Variants in GLI2 observed in about 807,000 individuals in gnomAD.
The protein encoded by GLI2 is transcription activator GLI2.
GLI2 carries 22 observed loss-of-function variants against 78.9 expected under a neutral mutation model. That is an observed-to-expected ratio of 0.28 (90% CI 0.20 to 0.40). GLI2 has a LOEUF of 0.40. Among genes scored for constraint, GLI2 ranks in the 10% least tolerant of loss-of-function variants. GLI2 has a pLI of 1.00. For missense variants in GLI2, 2,097 were observed against 2,213.2 expected (o/e 0.95, Z 1.05); for synonymous variants, 974 against 963.7 (o/e 1.01, Z -0.20).
Position 120,819,239 on chromosome 2 carries a change from A to ATTTTT in GLI2, c.148+21787_148+21791dup, listed in dbSNP as rs10701244. Among the ~76,000 whole-genome samples the ATTTTT allele has an allele frequency of 2.7e-4, 31 of 116,696 alleles. 3 individuals are homozygous for ATTTTT. Among genetic ancestry groups the ATTTTT allele is most frequent in the African/African-American group, 6.4e-4 (19 of 29,832 alleles). 76.6% of individuals were successfully genotyped at this position (116,696 alleles called of 152,430 possible). A position where few individuals can be genotyped will look rare whatever the true frequency, so the allele number is the denominator to read the frequency against. The stretch of plus-strand genomic sequence containing the variant: ...GAGTGACAGAGTGCCACTAATAGAG[A>ATTTTT]TTTTTTTTTTTTTTTTTTTTGAGAT... On this transcript the variant is annotated intron_variant, in intron 2 of 13. Transcript: ENST00000361492.
intron 5 of GLI2, 105 bp from the exon 6 acceptor site, chr2:120,968,609 T>A (rs1681972923): frequency 1.1e-6 from 1 of 882,494 alleles, no homozygotes. Context: ...AAAGCTAGGA[T>A]TCCCATTAGA....
chr2:120,837,853 A>G (rs192117103), intron 2 of GLI2, among the ~76,000 whole-genome samples: 96 of 152,120 alleles, frequency 6.3e-4, no homozygotes, highest in African/African-American at 9.2e-4. Context: ...CCTTTGGTCT[A>G]TTAGTTTCTT....
At chr2:120,766,832 G>T (rs183651413) in intron 1 of GLI2, among the ~76,000 whole-genome samples, 27 of 152,176 alleles carry the variant, frequency 1.8e-4, no homozygotes, top group Admixed American at 1.7e-3. Context: ...ATTCTTAAGA[G>T]TTCAGTGAAA....
At chr2:120,788,175 G>T (rs1198986199) in intron 1 of GLI2, among the ~76,000 whole-genome samples, 1 of 152,334 alleles carries the variant, frequency 6.6e-6, no homozygotes. Context: ...GACAGAGCTG[G>T]GAGGTGAACA....
At chr2:120,910,005 C>G (rs181219326) in intron 2 of GLI2, among the ~76,000 whole-genome samples, 8 of 152,198 alleles carry the variant, frequency 5.3e-5, no homozygotes, top group African/African-American at 7.2e-5. Context: ...ACAGCTCCTC[C>G]GTGTAGGCCC....
Position 120,984,575 on chromosome 2 carries a change from C to T in GLI2, c.1737C>T (p.Thr579=), listed in dbSNP as rs776223252. The part of the protein sequence containing the change: ...KTVHGPDAHV[T]KKQRNDVHLR... ...TCCACGGCCCAGATGCCCACGTCAC[C>T]AAGAAGCAGCGCAATGACGTGCACC... is the stretch of plus-strand genomic sequence containing the variant. The change falls in exon 12 of 14, where the codon ACC becomes ACT. Residue 579 remains threonine, a synonymous_variant. Transcript: ENST00000361492. 1.7e-5 allele frequency: 28 copies of T among 1,614,112 alleles called. No homozygotes were observed. Among genetic ancestry groups the T allele is most frequent in the Non-Finnish European group, 2.1e-5 (25 of 1,180,040 alleles).
chr2:120,877,915 A>G (rs1688843144), intron 2 of GLI2, among the ~76,000 whole-genome samples: 1 of 152,182 alleles, frequency 6.6e-6, no homozygotes, highest in Non-Finnish European at 1.5e-5. Flanking sequence ...TAGGGGGCAC[A>G]TGTGGTCAGC....
chr2:120,958,054 C>T (rs1681361379), intron 5 of GLI2, among the ~76,000 whole-genome samples: 1 of 152,166 alleles, frequency 6.6e-6, no homozygotes, highest in African/African-American at 2.4e-5. Flanking sequence ...GGGCCGGAGC[C>T]AGAGGGGAGA....
chr2:120,861,329 C>T (rs1168267183), intron 2 of GLI2, among the ~76,000 whole-genome samples: 1 of 152,154 alleles, frequency 6.6e-6, no homozygotes, highest in Non-Finnish European at 1.5e-5. Flanking sequence ...CAGGTGTGCC[C>T]CATGAGAGAA....
chr2:120,870,478 C>T (rs1688369923), intron 2 of GLI2, among the ~76,000 whole-genome samples: 3 of 152,136 alleles, frequency 2.0e-5, no homozygotes, highest in Admixed American at 6.5e-5. Context: ...AACTGAGTCC[C>T]GAGAGAGGGC....
At chr2:120,750,297 G>T (rs17389904) in intron 1 of GLI2, among the ~76,000 whole-genome samples, 1 of 152,120 alleles carries the variant, frequency 6.6e-6, no homozygotes. Flanking sequence ...CTGCACTTCC[G>T]CATAAGCCAG....
At position 120,938,450 on chromosome 2, in the gene GLI2, G is replaced by A. The variant is rs557316096; in HGVS notation, c.254+10984G>A. On this transcript the variant is annotated intron_variant, in intron 3 of 13. Coordinates refer to ENST00000361492, the MANE Select transcript of GLI2 (RefSeq NM_001374353.1). ...ATGAATCAACTGTTGTGGACCACGT[G>A]GCTAGATTGCAACCAAGTCCATCTG... Among the ~76,000 whole-genome samples, 3 of 152,358 alleles carry A rather than the reference G, an allele frequency of 2.0e-5. No homozygotes were observed. The East Asian group carries it at 5.8e-4, about 29-fold the overall frequency.
intron 1 of GLI2, among the ~76,000 whole-genome samples, chr2:120,786,364 C>T (rs577261793): frequency 6.6e-6 from 1 of 152,192 alleles, no homozygotes; most frequent in South Asian, 2.1e-4. Flanking sequence ...GCAGACATCT[C>T]CCACCACCGC....
rs548449766 is a variant in GLI2, at chr2:120,902,007, A to G, written c.149-25354A>G. On this transcript the variant is annotated intron_variant, in intron 2 of 13. Transcript: ENST00000361492. ...ATAAAAAGAGTGTTGTGGAGACTCA[A>G]TTTGGCAGTTGCGTGCTGGAGCCAG... is the stretch of plus-strand genomic sequence containing the variant. Among the ~76,000 whole-genome samples the G allele has an allele frequency of 3.3e-5, 5 of 152,170 alleles. No homozygotes were observed. The South Asian group carries it at 6.2e-4, about 19-fold the overall frequency.
intron 2 of GLI2, among the ~76,000 whole-genome samples, chr2:120,870,693 G>A (rs1688382604): frequency 6.6e-6 from 1 of 152,192 alleles, no homozygotes; most frequent in African/African-American, 2.4e-5. Flanking sequence ...CTTCAGACCT[G>A]CTCCCAGATC....
intron 2 of GLI2, among the ~76,000 whole-genome samples, chr2:120,887,170 A>G (rs1018285446): frequency 5.9e-5 from 9 of 152,132 alleles, no homozygotes; most frequent in Admixed American, 6.5e-5. Context: ...AAACTCCCAC[A>G]TGGCAAGTGG....
chr2:120,863,148 G>T (rs1687977140), intron 2 of GLI2, among the ~76,000 whole-genome samples: 1 of 152,228 alleles, frequency 6.6e-6, no homozygotes, highest in Middle Eastern at 3.2e-3. Flanking sequence ...CAAGACCAAT[G>T]AGAGGACAAC....
At chr2:120,920,514 A>T (rs1679318111) in intron 2 of GLI2, among the ~76,000 whole-genome samples, 1 of 152,174 alleles carries the variant, frequency 6.6e-6, no homozygotes, top group Non-Finnish European at 1.5e-5. Context: ...TGCCCTCCTC[A>T]CTAACACAAG....
At chr2:120,869,579 T>C (rs530943910) in intron 2 of GLI2, among the ~76,000 whole-genome samples, 1 of 152,316 alleles carries the variant, frequency 6.6e-6, no homozygotes, top group African/African-American at 2.4e-5. Flanking sequence ...TATGATAGAT[T>C]GGTTAAAATA....
Sources: allele counts gnomAD v4.1 joint callset (sites outside exome capture counted in the v4.1 genomes callset), GRCh38; gene constraint gnomAD v4.1.1; transcripts MANE v1.5; gene names NCBI Gene and HGNC (gene_info 2026-07-23, HGNC 2026-07-21).